Variants in LRRC4C observed in about 807,000 individuals in gnomAD.
LRRC4C encodes the protein leucine-rich repeat-containing protein 4C.
In LRRC4C, 5 loss-of-function variants were observed where a neutral mutation model predicts 33.6. That is an observed-to-expected ratio of 0.15 (90% confidence interval 0.08 to 0.31). The LOEUF (loss-of-function observed/expected upper bound fraction) is 0.31. LRRC4C is among the 10% of genes least tolerant of loss of function. The pLI, the probability that LRRC4C is intolerant of heterozygous loss-of-function variation, is 1.00. For synonymous variants in LRRC4C, 329 were observed against 302.0 expected, an observed-to-expected ratio of 1.09 and a Z score of -0.93; for missense variants, 560 against 796.7, an observed-to-expected ratio of 0.70 and a Z score of 3.58.
intron 1 of LRRC4C, among the ~76,000 whole-genome samples, chr11:41,391,001 G>A (rs1303315360): frequency 3.4e-5 from 5 of 148,150 alleles, no homozygotes; most frequent in Non-Finnish European, 7.5e-5. Flanking sequence ...AAAAAAAAGT[G>A]TCCTGCCTTG....
intron 1 of LRRC4C, among the ~76,000 whole-genome samples, chr11:40,955,381 A>G (rs1958909761): frequency 6.6e-6 from 1 of 151,802 alleles, no homozygotes; most frequent in African/African-American, 2.4e-5. Flanking sequence ...CTTCTTTAGA[A>G]TTGTCTTTCT....
intron 1 of LRRC4C, among the ~76,000 whole-genome samples, chr11:41,010,156 T>C (rs1855069015): frequency 6.6e-6 from 1 of 152,166 alleles, no homozygotes; most frequent in Admixed American, 6.5e-5. Flanking sequence ...TACAGACTTC[T>C]AACCTCCAGA....
At position 41,011,000 on chromosome 11, in the gene LRRC4C, T is replaced by C. The variant is rs114156285; in HGVS notation, c.-495-77277A>G. Reference sequence around the variant, plus strand: ...AGAAGTCTAATGTTTCAGCCCTCTGTCTGGCTGTTACTGGCTTGAACAAGT... The same window carrying C: ...AGAAGTCTAATGTTTCAGCCCTCTGCCTGGCTGTTACTGGCTTGAACAAGT... On this transcript the variant is annotated intron_variant, in intron 1 of 6. Transcript: ENST00000528697. Among the ~76,000 whole-genome samples, 741 of 152,286 alleles carry C rather than the reference T, an allele frequency of 4.9e-3. 6 individuals carry two copies. The highest frequency in any genetic ancestry group is 0.017 in the African/African-American group (709 of 41,572).
At chr11:41,034,965 TTTG>T (rs768894759) in intron 1 of LRRC4C, among the ~76,000 whole-genome samples, 3 of 150,600 alleles carry the variant, frequency 2.0e-5, no homozygotes, top group African/African-American at 4.8e-5. Flanking sequence ...TATTTTATTT[TTTG>T]TTGTTATGTT....
intron 1 of LRRC4C, among the ~76,000 whole-genome samples, chr11:41,033,772 G>A (rs1856864634): frequency 6.6e-6 from 1 of 151,958 alleles, no homozygotes; most frequent in Non-Finnish European, 1.5e-5. Context: ...AAGATAATGT[G>A]TAAATACAAT....
intron 3 of LRRC4C, among the ~76,000 whole-genome samples, chr11:40,539,344 C>G (rs1282082373): frequency 6.6e-6 from 1 of 152,134 alleles, no homozygotes; most frequent in Non-Finnish European, 1.5e-5. Flanking sequence ...GATTTATTCT[C>G]ATATGCTTTT....
intron 2 of LRRC4C, among the ~76,000 whole-genome samples, chr11:40,811,953 G>A (rs1951510410): frequency 6.6e-6 from 1 of 152,076 alleles, no homozygotes; most frequent in Non-Finnish European, 1.5e-5. Context: ...AGAAATCAAT[G>A]GCCCTTTCAG....
intron 3 of LRRC4C, among the ~76,000 whole-genome samples, chr11:40,580,973 C>T (rs1359519803): frequency 2.0e-5 from 3 of 152,262 alleles, no homozygotes; most frequent in Non-Finnish European, 4.4e-5. Context: ...TGACCTTGTA[C>T]TCCCAGATAG....
intron 1 of LRRC4C, among the ~76,000 whole-genome samples, chr11:41,050,737 T>C (rs1014632200): frequency 1.3e-5 from 2 of 152,186 alleles, no homozygotes; most frequent in African/African-American, 2.4e-5. Context: ...TTGTAAATAG[T>C]GCTGCAGTAA....
At chr11:40,376,260 A>G (rs1948655428) in intron 3 of LRRC4C, among the ~76,000 whole-genome samples, 1 of 152,194 alleles carries the variant, frequency 6.6e-6, no homozygotes, top group African/African-American at 2.4e-5. Context: ...ACATTCCAAG[A>G]TTGAAATGGA....
chr11:40,200,784 A>AAAAAAAGAAAAG (rs71060946), intron 5 of LRRC4C, among the ~76,000 whole-genome samples: 1 of 78,440 alleles, frequency 1.3e-5, no homozygotes, highest in Non-Finnish European at 2.3e-5. Context: ...AAAAAAAAAA[A>AAAAAAAGAAAAG]AAAAGAAAAG....
intron 4 of LRRC4C, among the ~76,000 whole-genome samples, chr11:40,276,312 T>C (rs746093949): frequency 6.6e-6 from 1 of 152,132 alleles, no homozygotes; most frequent in Admixed American, 6.6e-5. Flanking sequence ...CTGCTTTGTC[T>C]TGCCAGCCCT....
intron 2 of LRRC4C, among the ~76,000 whole-genome samples, chr11:40,785,788 G>T (rs796132444): frequency 6.6e-6 from 1 of 152,032 alleles, no homozygotes; most frequent in Non-Finnish European, 1.5e-5. Context: ...AAAATTGACC[G>T]CTCACTCCAA....
intron 3 of LRRC4C, among the ~76,000 whole-genome samples, chr11:40,633,329 CTTTCTTTCTTTCTT>C: frequency 6.5e-5 from 1 of 15,324 alleles, no homozygotes; most frequent in East Asian, 2.4e-3. Context: ...TTTTCTTTTT[CTTTCTTTCTTTCTT>C]TCTTTCTTTC....
intron 2 of LRRC4C, among the ~76,000 whole-genome samples, chr11:40,661,244 T>C (rs899036648): frequency 1.3e-5 from 2 of 152,210 alleles, no homozygotes; most frequent in Non-Finnish European, 1.5e-5. Context: ...TATCCTAACA[T>C]TAGTAAATAG....
intron 3 of LRRC4C, among the ~76,000 whole-genome samples, chr11:40,413,243 G>A (rs1408849093): frequency 6.6e-6 from 1 of 151,936 alleles, no homozygotes; most frequent in African/African-American, 2.4e-5. Context: ...AGGAAGAAGA[G>A]GAAGCTCCAT....
At chr11:40,847,483 C>G (rs910306427) in intron 2 of LRRC4C, among the ~76,000 whole-genome samples, 13 of 152,130 alleles carry the variant, frequency 8.5e-5, no homozygotes, top group Admixed American at 5.9e-4. Context: ...AGACTTGCAT[C>G]CCAGGGTTGA....
chr11:41,149,141 T>C (rs971553852), intron 1 of LRRC4C, among the ~76,000 whole-genome samples: 1 of 152,180 alleles, frequency 6.6e-6, no homozygotes, highest in Non-Finnish European at 1.5e-5. Flanking sequence ...ATCTTGACTA[T>C]AATATGCTTT....
chr11:41,313,286 C>CA (rs1437620981), intron 1 of LRRC4C, among the ~76,000 whole-genome samples: 7 of 152,176 alleles, frequency 4.6e-5, no homozygotes, highest in Non-Finnish European at 8.8e-5. Context: ...CAATGTCTAG[C>CA]AAACAATAGT....
Sources: gnomAD v4.1 joint callset for allele counts (sites outside exome capture counted in the v4.1 genomes callset) on GRCh38, gnomAD v4.1.1 for gene constraint, MANE v1.5 for transcripts, NCBI Gene and HGNC (gene_info 2026-07-23, HGNC 2026-07-21) for gene names.